Variants in AP3D1 observed in about 807,000 individuals in gnomAD.
The protein encoded by AP3D1 is AP-3 complex subunit delta-1.
AP3D1 carries 51 observed loss-of-function variants against 147.6 expected under a neutral mutation model. The ratio of observed to expected loss-of-function variants is 0.35; its 90% CI spans 0.28 to 0.44. The LOEUF (loss-of-function observed/expected upper bound fraction) is 0.44. Ranked by LOEUF, AP3D1 falls within the 20% of genes least tolerant of loss-of-function variation. The probability of loss-of-function intolerance (pLI) is 1.00; values close to 1 mark genes in which losing one functional copy is unlikely to be tolerated. For missense variants in AP3D1, 1,421 were observed against 1,624.2 expected (o/e 0.87, Z 2.15); for synonymous variants, 760 against 663.0 (o/e 1.15, Z -2.25).
Position 2,118,840 on chromosome 19 carries a change from C to A in AP3D1, c.1482-8G>T. 1.2e-6 allele frequency: 2 copies of A among 1,610,078 alleles called. No individual in the cohort carries two copies. The highest frequency in any genetic ancestry group is 8.5e-7 in the Non-Finnish European group (1 of 1,177,606). ...TGTGGTTCCTGCAGATGCCTGAGGA[C>A]AGGAAACACTGTGAGCCCCCAGGAT... On this transcript the variant is annotated splice_region_variant and splice_polypyrimidine_tract_variant and intron_variant, in intron 14 of 31. Coordinates refer to ENST00000643116, the MANE Select transcript of AP3D1 (RefSeq NM_001261826.3).
chr19:2,122,403 C>T (rs569469604), intron 11 of AP3D1, among the ~76,000 whole-genome samples: 2 of 152,320 alleles, frequency 1.3e-5, no homozygotes, highest in South Asian at 2.1e-4. Context: ...CTGCCATCCA[C>T]GGTGGCTTTC....
rs778795157 is a variant in AP3D1, at chr19:2,115,318, C to G, written c.2250G>C (p.Glu750Asp). ...AGCTGTGGCGGCGCTTGCCCTTCTTCTCCTTCTCCTTCCTCTTTTTCCTCC... is the reference window on the plus strand; with the variant it reads ...AGCTGTGGCGGCGCTTGCCCTTCTTGTCCTTCTCCTTCCTCTTTTTCCTCC... ...DKRRKKRKEK[E>D]KKGKRRHSSL... Residue 750 changes from glutamate to aspartate, a missense_variant, in exon 20 of 32, where the codon GAG becomes GAC. Physicochemically the swap from Glu to Asp is conservative, Grantham distance 45. Coordinates refer to ENST00000643116, the MANE Select transcript of AP3D1 (RefSeq NM_001261826.3). 1.9e-5 allele frequency: 30 copies of G among 1,611,624 alleles called. 1 individual carries two copies. In the South Asian group the frequency reaches 3.1e-4, roughly 17 times the overall value.
rs1180451257 is a variant in AP3D1 at position 2,120,992 on chromosome 19, T to C, written c.1351A>G (p.Ile451Val). Reference protein sequence around the residue: ...MLDVAIRVKAIRKFAVSQMSA... With the variant: ...MLDVAIRVKAVRKFAVSQMSA... The stretch of plus-strand genomic sequence containing the variant: ...ATCTGGGACACGGCGAACTTGCGGA[T>C]GGCCTTCACGCGGATGGCCACGTCC... The change falls in exon 14 of 32, where the codon ATC becomes GTC. Residue 451 changes from isoleucine (I) to valine (V), a missense_variant. By Grantham distance (29) the Ile-to-Val change is conservative. Transcript: ENST00000643116. The C allele has an allele frequency of 1.9e-6, 3 of 1,612,174 alleles. No homozygotes were observed. Among genetic ancestry groups the C allele is most frequent in the African/African-American group, 2.7e-5 (2 of 74,930 alleles).
At position 2,113,352 on chromosome 19, in the gene AP3D1, G is replaced by A. The variant is rs2018342601; in HGVS notation, c.2663C>T (p.Ala888Val). 1.4e-6 allele frequency: 2 copies of A among 1,426,658 alleles called. No homozygotes were observed. Among genetic ancestry groups the A allele is most frequent in the Admixed American group, 2.7e-5 (1 of 37,684 alleles). The allele number at this position is 1,426,658 out of a possible 1,614,324, so 88.4% of individuals were successfully genotyped here. ...GTCTCTTACCGTGGATGGAACGGGG[G>A]CGGGGGCGGGGGCGGGGGCAGGCGG... The part of the protein sequence containing the change: ...TPPPAPAPAP[A>V]PVPSTGELSV... Residue 888 changes from alanine to valine, a missense_variant, in exon 23 of 32, where the codon GCC becomes GTC. This residue lies in a region of AP3D1 where 791 missense variants were observed against 761.4 expected (regional missense o/e 1.04). Coordinates refer to ENST00000643116, the MANE Select transcript of AP3D1 (RefSeq NM_001261826.3).
At chr19:2,128,470 C>CCACAGCT (rs2018826784) in intron 8 of AP3D1, among the ~76,000 whole-genome samples, 2 of 128,922 alleles carry the variant, frequency 1.6e-5, no homozygotes, top group African/African-American at 6.3e-5. Context: ...CCGGCCCGCC[C>CCACAGCT]CCGCCGCTCC....
In AP3D1 at chr19:2,115,256, G is replaced by A. The variant is rs780952447; in HGVS notation, c.2312C>T (p.Ala771Val). The A allele has an allele frequency of 1.9e-6, 3 of 1,613,526 alleles. No homozygotes were observed. The highest frequency in any genetic ancestry group is 1.7e-6 in the Non-Finnish European group (2 of 1,180,010). The change falls in exon 20 of 32, where the codon GCC becomes GTC. Residue 771 changes from alanine (A) to valine (V), a missense_variant. This residue lies in a region of AP3D1 where 791 missense variants were observed against 761.4 expected (regional missense o/e 1.04). Transcript: ENST00000643116. The stretch of plus-strand genomic sequence containing the variant: ...CTCTGTGACGATGTCCACCTGCTGG[G>A]CAGGGGCGATGTCCTCGTCGCTCTC... ...PTESDEDIAP[A>V]QQVDIVTEEM...
chr19:2,152,225 A>G (rs73514407), upstream of AP3D1, among the ~76,000 whole-genome samples: 9,971 of 151,440 alleles, frequency 0.066, 587 homozygotes, highest in African/African-American at 0.15. Flanking sequence ...TCCGAGATAC[A>G]TCATTGAGAT....
At chr19:2,125,677 T>C (rs1022770387) in intron 9 of AP3D1, among the ~76,000 whole-genome samples, 1 of 152,036 alleles carries the variant, frequency 6.6e-6, no homozygotes, top group East Asian at 1.9e-4. Context: ...AATAGGTGTA[T>C]AGATTACCCA....
intron 6 of AP3D1, among the ~76,000 whole-genome samples, chr19:2,130,075 C>T (rs764503592): frequency 3.9e-5 from 6 of 152,192 alleles, no homozygotes; most frequent in Non-Finnish European, 8.8e-5. Context: ...AGCTCCTGCA[C>T]GGGACATATG....
At chr19:2,139,988 A>T in intron 1 of AP3D1, among the ~76,000 whole-genome samples, 1 of 152,124 alleles carries the variant, frequency 6.6e-6, no homozygotes, top group Admixed American at 6.6e-5. Context: ...GAGGGCACAG[A>T]CACATAATAT....
chr19:2,142,012 A>AC (rs2019235153), intron 1 of AP3D1, among the ~76,000 whole-genome samples: 1 of 147,546 alleles, frequency 6.8e-6, no homozygotes, highest in African/African-American at 2.6e-5. Context: ...ATATATGTTT[A>AC]TTTATATATA....
chr19:2,108,741 G>A lies in AP3D1; in HGVS notation c.3498C>T (p.Ala1166=), dbSNP rs553536480. 1.2e-4 allele frequency: 194 copies of A among 1,580,254 alleles called. 2 individuals are homozygous for A. The South Asian group carries it at 1.6e-3, about 13-fold the overall frequency. The change falls in exon 31 of 32, where the codon GCC becomes GCT. Residue 1166 remains alanine, a synonymous_variant. Coordinates refer to ENST00000643116, the MANE Select transcript of AP3D1 (RefSeq NM_001261826.3). ...CCTGGATGGAGCGGCTGTACATGGA[G>A]GCGCAGGAGTCCACTCGCTCCACAA... ...FSVVERVDSC[A]SMYSRSIQGH... is the part of the protein sequence containing the mutation.
At chr19:2,140,480 CTT>C (rs34572080) in intron 1 of AP3D1, among the ~76,000 whole-genome samples, 3 of 147,482 alleles carry the variant, frequency 2.0e-5, no homozygotes, top group Non-Finnish European at 3.0e-5. Context: ...ACTTGCTTGA[CTT>C]TTTTTTTTTT....
chr19:2,139,706 TC>T (rs946113510), intron 1 of AP3D1, among the ~76,000 whole-genome samples: 22 of 152,314 alleles, frequency 1.4e-4, no homozygotes, highest in African/African-American at 5.3e-4. Flanking sequence ...CCCCTCTCCA[TC>T]ATCCGACAGG....
At chr19:2,150,645 C>T (rs1294374198) in intron 1 of AP3D1, among the ~76,000 whole-genome samples, 2 of 152,168 alleles carry the variant, frequency 1.3e-5, no homozygotes, top group Admixed American at 1.3e-4. Flanking sequence ...AAGACCCTGC[C>T]TGGTTCCGAG....
At chr19:2,109,511 G>A (rs1380754646) in intron 29 of AP3D1, 4 of 489,340 alleles carry the variant, frequency 8.2e-6, no homozygotes, top group Non-Finnish European at 1.5e-5. Context: ...CTAGGATGCA[G>A]GCACGCAGAG....
At chr19:2,149,709 G>A (rs2019455183) in intron 1 of AP3D1, among the ~76,000 whole-genome samples, 1 of 152,170 alleles carries the variant, frequency 6.6e-6, no homozygotes, top group Non-Finnish European at 1.5e-5. Context: ...CCAGACTAGA[G>A]GTGTGGTCCT....
At chr19:2,140,752 C>T (rs536201350) in intron 1 of AP3D1, among the ~76,000 whole-genome samples, 70 of 140,852 alleles carry the variant, frequency 5.0e-4, no homozygotes, top group African/African-American at 1.8e-3. Flanking sequence ...CTCACACAAA[C>T]GTCTTTTTTT....
At chr19:2,116,135 G>A in intron 18 of AP3D1, 72 bp downstream of exon 18, 1 of 1,492,022 alleles carries the variant, frequency 6.7e-7, no homozygotes, top group South Asian at 1.1e-5. Context: ...CCGAAACTCA[G>A]ATGGATGCCG....
Sources: gnomAD v4.1 joint callset for allele counts (sites outside exome capture counted in the v4.1 genomes callset) on GRCh38, gnomAD v4.1.1 for gene constraint, gnomAD v4.1.1 regional missense constraint, MANE v1.5 for transcripts, NCBI Gene and HGNC (gene_info 2026-07-23, HGNC 2026-07-21) for gene names.